Variants in GSE1 observed in about 807,000 individuals in gnomAD.
GSE1 encodes the protein Gse1 coiled-coil protein.
A neutral mutation model predicts 112.6 loss-of-function variants in GSE1; 32 were observed. The ratio of observed to expected loss-of-function variants is 0.28; its 90% confidence interval spans 0.21 to 0.38. GSE1 has a LOEUF of 0.38. Ranked by LOEUF, GSE1 falls within the 10% of genes least tolerant of loss-of-function variation. The pLI is 1.00. For synonymous variants in GSE1, 1,115 were observed against 735.6 expected (o/e 1.52, Z -8.35); for missense variants, 2,348 against 1,699.2 (o/e 1.38, Z -6.71).
chr16:85,205,358 C>T (rs551594715), intron 1 of GSE1, among the ~76,000 whole-genome samples: 118 of 152,292 alleles, frequency 7.7e-4, no homozygotes, highest in African/African-American at 2.8e-3. Flanking sequence ...TCTTGAACTC[C>T]TGGCTTCCAG....
intron 1 of GSE1, among the ~76,000 whole-genome samples, chr16:85,215,914 G>C (rs1210528507): frequency 1.3e-5 from 2 of 152,192 alleles, no homozygotes; most frequent in African/African-American, 2.4e-5. Flanking sequence ...TGAGACATGA[G>C]GGCCCTCAGT....
At chr16:85,437,136 G>A (rs1205022939) in intron 2 of GSE1, among the ~76,000 whole-genome samples, 1 of 152,138 alleles carries the variant, frequency 6.6e-6, no homozygotes, top group Admixed American at 6.5e-5. Context: ...GGGCGACGAG[G>A]CGGCCTGCCC....
chr16:85,269,432 G>C (rs540031620), intron 1 of GSE1, among the ~76,000 whole-genome samples: 5 of 124,062 alleles, frequency 4.0e-5, no homozygotes, highest in African/African-American at 2.1e-4. Context: ...GTTAGCATGA[G>C]TGTGTGGGTG....
intron 2 of GSE1, among the ~76,000 whole-genome samples, chr16:85,396,698 G>A (rs1223517239): frequency 6.6e-6 from 1 of 152,268 alleles, no homozygotes; most frequent in Non-Finnish European, 1.5e-5. Context: ...CAGGATGGAT[G>A]TCCGGACGCT....
intron 3 of GSE1, among the ~76,000 whole-genome samples, chr16:85,653,546 C>T (rs535980022): frequency 1.6e-3 from 241 of 151,676 alleles, no homozygotes; most frequent in African/African-American, 5.6e-3. Context: ...CTCTGGACCA[C>T]CTTCCCAGCT....
At chr16:85,521,751 G>A (rs556276047) in intron 2 of GSE1, among the ~76,000 whole-genome samples, 39 of 152,380 alleles carry the variant, frequency 2.6e-4, no homozygotes, top group South Asian at 6.2e-4. Context: ...GCCTGGTTGT[G>A]CACTGGAGCC....
At chr16:85,354,101 C>T (rs2046903045) in intron 1 of GSE1, among the ~76,000 whole-genome samples, 1 of 152,204 alleles carries the variant, frequency 6.6e-6, no homozygotes, top group Non-Finnish European at 1.5e-5. Context: ...CTCCAGGAAG[C>T]CCGTGCGGAT....
chr16:85,251,271 G>A (rs1906448669), intron 1 of GSE1, among the ~76,000 whole-genome samples: 1 of 152,082 alleles, frequency 6.6e-6, no homozygotes, highest in African/African-American at 2.4e-5. Flanking sequence ...TCCTCCCACG[G>A]ATGCCCTCAA....
At chr16:85,199,514 G>C (rs1356534320) in intron 1 of GSE1, among the ~76,000 whole-genome samples, 2 of 152,216 alleles carry the variant, frequency 1.3e-5, no homozygotes, top group African/African-American at 4.8e-5. Context: ...AGAGTGTCCA[G>C]CTGCGTTTAA....
chr16:85,309,056 GTC>G (rs1199210411), intron 1 of GSE1, among the ~76,000 whole-genome samples: 2 of 151,548 alleles, frequency 1.3e-5, no homozygotes, highest in Admixed American at 6.6e-5. Context: ...CGGGGCCTGA[GTC>G]TCTGCATTTC....
intron 2 of GSE1, among the ~76,000 whole-genome samples, chr16:85,392,323 T>G (rs1180163323): frequency 7.2e-5 from 11 of 152,202 alleles, no homozygotes; most frequent in Admixed American, 6.5e-4. Flanking sequence ...AAACTTAAAT[T>G]TCAGATAAAC....
chr16:85,372,829 C>T (rs767378052), intron 2 of GSE1, among the ~76,000 whole-genome samples: 12 of 152,172 alleles, frequency 7.9e-5, no homozygotes, highest in Non-Finnish European at 1.2e-4. Flanking sequence ...CCTCACCACA[C>T]CCTGGGAGGT....
intron 1 of GSE1, among the ~76,000 whole-genome samples, chr16:85,297,456 C>T (rs1004004235): frequency 6.6e-6 from 1 of 152,208 alleles, no homozygotes; most frequent in Non-Finnish European, 1.5e-5. Context: ...GACTTCCTAT[C>T]AGATGGGTTG....
chr16:85,518,163 C>T (rs2052016700), intron 2 of GSE1, among the ~76,000 whole-genome samples: 1 of 152,242 alleles, frequency 6.6e-6, no homozygotes. Flanking sequence ...TCCCCGGCCA[C>T]CCAGACATCT....
chr16:85,331,361 G>A (rs1973250), intron 1 of GSE1, among the ~76,000 whole-genome samples: 1,462 of 66,938 alleles, frequency 0.022, 162 homozygotes, highest in African/African-American at 0.067. Context: ...GTGTGTGTGT[G>A]TGTGTATATA....
At chr16:85,221,872 T>C (rs542924763) in intron 1 of GSE1, among the ~76,000 whole-genome samples, 11 of 152,254 alleles carry the variant, frequency 7.2e-5, no homozygotes, top group South Asian at 2.1e-4. Context: ...GCCCTCATGT[T>C]TTCCGCCTCT....
intron 1 of GSE1, among the ~76,000 whole-genome samples, chr16:85,296,759 G>A (rs1247208411): frequency 1.3e-5 from 2 of 152,104 alleles, no homozygotes; most frequent in Non-Finnish European, 2.9e-5. Flanking sequence ...TCCCTTTCAT[G>A]TCCTAACTCC....
rs146593069 is a variant in GSE1 at position 85,222,867 on chromosome 16, C to T, written c.2283+51060C>T. ...GGATCCATGCGGAGCTTCCTTCATACGGTGGCTTTTCTTCTGTTTTCTTAC... is the reference window on the plus strand; with the variant it reads ...GGATCCATGCGGAGCTTCCTTCATATGGTGGCTTTTCTTCTGTTTTCTTAC... On this transcript the variant is annotated intron_variant, in intron 1 of 2. Transcript: ENST00000637419. Among the ~76,000 whole-genome samples the T allele has an allele frequency of 2.7e-3, 415 of 152,256 alleles. 4 individuals are homozygous for T. Among genetic ancestry groups the T allele is most frequent in the African/African-American group, 9.4e-3 (391 of 41,536 alleles).
At chr16:85,493,715 G>A (rs536791681) in intron 2 of GSE1, among the ~76,000 whole-genome samples, 38 of 151,434 alleles carry the variant, frequency 2.5e-4, no homozygotes, top group African/African-American at 6.1e-4. Context: ...GCTTGAACCC[G>A]GGAGGTAGAG....
Sources: gnomAD v4.1 joint callset for allele counts (sites outside exome capture counted in the v4.1 genomes callset) on GRCh38, gnomAD v4.1.1 for gene constraint, MANE v1.5 for transcripts, NCBI Gene and HGNC (gene_info 2026-07-23, HGNC 2026-07-21) for gene names.